Variants in ARID1B observed in about 807,000 individuals in gnomAD.
ARID1B encodes AT-rich interactive domain-containing protein 1B.
Under a neutral mutation model 212.3 loss-of-function variants are expected in ARID1B, and 30 were observed. The ratio of observed to expected loss-of-function variants is 0.14; its 90% confidence interval spans 0.11 to 0.19. The LOEUF (loss-of-function observed/expected upper bound fraction) is 0.19. Ranked by LOEUF, ARID1B falls within the 10% of genes least tolerant of loss-of-function variation. The pLI, the probability that ARID1B is intolerant of heterozygous loss-of-function variation, is 1.00. For missense variants in ARID1B, 2,891 were observed against 3,204.0 expected, an observed-to-expected ratio of 0.90 and a Z score of 2.36; for synonymous variants, 1,402 against 1,301.7, an observed-to-expected ratio of 1.08 and a Z score of -1.66.
At chr6:157,175,213 C>G (rs1792020643) in intron 11 of ARID1B, 1 of 372,634 alleles carries the variant, frequency 2.7e-6, no homozygotes, top group Non-Finnish European at 4.4e-6. Flanking sequence ...AAGTTGATTT[C>G]TGGTAATGAA....
At chr6:156,911,338 GTTTTT>G (rs57374747) in intron 3 of ARID1B, among the ~76,000 whole-genome samples, 2,134 of 105,422 alleles carry the variant, frequency 0.02, 54 homozygotes, top group African/African-American at 0.066. Flanking sequence ...TAAATAATTA[GTTTTT>G]TTTTTTTTTT....
intron 4 of ARID1B, 88 bp from the exon 5 acceptor site, chr6:157,084,574 G>T (rs1784841890): frequency 6.7e-7 from 1 of 1,497,092 alleles, no homozygotes; most frequent in South Asian, 1.3e-5. Flanking sequence ...CATCTCTGAA[G>T]GGGACGTCAT....
intron 7 of ARID1B, among the ~76,000 whole-genome samples, chr6:157,133,912 G>T (rs1788725962): frequency 6.6e-6 from 1 of 152,070 alleles, no homozygotes; most frequent in African/African-American, 2.4e-5. Flanking sequence ...GATGTGTGTA[G>T]GTATACATAT....
chr6:157,051,887 A>G (rs939351973), intron 4 of ARID1B, among the ~76,000 whole-genome samples: 5 of 152,188 alleles, frequency 3.3e-5, no homozygotes, highest in South Asian at 2.1e-4. Context: ...CTTTGTAACC[A>G]TATTTCATAA....
intron 6 of ARID1B, among the ~76,000 whole-genome samples, chr6:157,122,578 C>T (rs573282342): frequency 2.5e-4 from 38 of 152,354 alleles, no homozygotes; most frequent in Admixed American, 8.5e-4. Flanking sequence ...TTGCCCGGGT[C>T]GGGCTCATAC....
chr6:156,863,737 T>C (rs73790928), intron 2 of ARID1B, among the ~76,000 whole-genome samples: 2,451 of 152,298 alleles, frequency 0.016, 78 homozygotes, highest in African/African-American at 0.056. Context: ...GTTCTGTGTC[T>C]TGATTAATTG....
At chr6:156,886,232 G>T (rs374067291) in intron 2 of ARID1B, among the ~76,000 whole-genome samples, 1 of 151,974 alleles carries the variant, frequency 6.6e-6, no homozygotes, top group Non-Finnish European at 1.5e-5. Flanking sequence ...TGTTCTTGTC[G>T]CCCAGGCTGG....
At chr6:156,890,454 C>T (rs1235239609) in intron 2 of ARID1B, among the ~76,000 whole-genome samples, 1 of 152,102 alleles carries the variant, frequency 6.6e-6, no homozygotes, top group Non-Finnish European at 1.5e-5. Context: ...TCTATTTTAT[C>T]CTATGATTTT....
intron 4 of ARID1B, among the ~76,000 whole-genome samples, chr6:156,977,404 T>A (rs1002232881): frequency 6.6e-6 from 1 of 152,076 alleles, no homozygotes; most frequent in African/African-American, 2.4e-5. Context: ...TTCAGGCTTA[T>A]TCGTTTTCAT....
chr6:156,865,192 G>A (rs559497857), intron 2 of ARID1B, among the ~76,000 whole-genome samples: 35 of 152,184 alleles, frequency 2.3e-4, no homozygotes, highest in Middle Eastern at 6.8e-3. Flanking sequence ...TGGATCTTTG[G>A]TTTCCTGGAT....
intron 9 of ARID1B, among the ~76,000 whole-genome samples, chr6:157,172,128 A>T (rs928173926): frequency 3.9e-5 from 6 of 152,020 alleles, no homozygotes; most frequent in Non-Finnish European, 8.8e-5. Context: ...CTCTTTTCGC[A>T]CTCATCCTGC....
chr6:157,102,133 T>G (rs1349692185), intron 5 of ARID1B, among the ~76,000 whole-genome samples: 1 of 152,206 alleles, frequency 6.6e-6, no homozygotes, highest in East Asian at 1.9e-4. Flanking sequence ...TCTATAGTTG[T>G]ATACTGTAGT....
At chr6:157,096,645 T>C (rs1785653980) in intron 5 of ARID1B, among the ~76,000 whole-genome samples, 1 of 152,212 alleles carries the variant, frequency 6.6e-6, no homozygotes, top group South Asian at 2.1e-4. Flanking sequence ...ATGGAGAGCT[T>C]AGCCGTGCCC....
intron 3 of ARID1B, among the ~76,000 whole-genome samples, chr6:156,918,032 A>AT (rs1414369228): frequency 1.3e-5 from 2 of 152,218 alleles, no homozygotes; most frequent in African/African-American, 2.4e-5. Flanking sequence ...ATAGGTTTCA[A>AT]TTTTTTAACA....
chr6:157,070,652 C>G (rs1256072927), intron 4 of ARID1B, among the ~76,000 whole-genome samples: 1 of 152,164 alleles, frequency 6.6e-6, no homozygotes, highest in Admixed American at 6.5e-5. Context: ...GCGGCAGTAT[C>G]CCTTGCCCTT....
chr6:157,037,866 C>G (rs1358623865), intron 4 of ARID1B, among the ~76,000 whole-genome samples: 2 of 152,072 alleles, frequency 1.3e-5, no homozygotes, highest in African/African-American at 4.8e-5. Flanking sequence ...GGGTCTGGTG[C>G]CTGCTGGGGT....
At chr6:157,160,719 G>A (rs925964775) in intron 8 of ARID1B, among the ~76,000 whole-genome samples, 7 of 152,136 alleles carry the variant, frequency 4.6e-5, no homozygotes, top group African/African-American at 1.2e-4. Flanking sequence ...CACCACTCTC[G>A]CTTCTTATTT....
intron 4 of ARID1B, among the ~76,000 whole-genome samples, chr6:157,060,630 CTTTT>C (rs56870548): frequency 6.1e-4 from 44 of 72,034 alleles, no homozygotes; most frequent in East Asian, 4.8e-3. Flanking sequence ...AAAATCTGAA[CTTTT>C]TTTTTTTTTT....
intron 1 of ARID1B, among the ~76,000 whole-genome samples, chr6:156,813,050 G>T (rs553708736): frequency 7.2e-6 from 1 of 139,488 alleles, no homozygotes; most frequent in Non-Finnish European, 1.5e-5. Flanking sequence ...ATACACATAC[G>T]TATGTATATA....
Sources: allele counts gnomAD v4.1 joint callset (sites outside exome capture counted in the v4.1 genomes callset), GRCh38; gene constraint gnomAD v4.1.1; transcripts MANE v1.5; gene names NCBI Gene and HGNC (gene_info 2026-07-23, HGNC 2026-07-21).